CSMD1: variants seen among roughly 807,000 people sequenced by gnomAD.
The protein encoded by CSMD1 is CUB and Sushi multiple domains 1, also known as CUB and sushi domain-containing protein 1.
CSMD1 carries 213 observed loss-of-function variants against 417.5 expected under a neutral mutation model. The observed-to-expected ratio is 0.51, with a 90% CI of 0.46 to 0.57. The LOEUF (loss-of-function observed/expected upper bound fraction) is 0.57. CSMD1 is among the 20% of genes least tolerant of loss of function. The pLI is 0.00. For synonymous variants in CSMD1, 2,862 were observed against 1,736.8 expected (o/e 1.65, Z -16.11); for missense variants, 6,923 against 4,529.7 (o/e 1.53, Z -15.17).
chr8:3,992,317 G>A (rs1237995670), intron 5 of CSMD1, among the ~76,000 whole-genome samples: 1 of 152,080 alleles, frequency 6.6e-6, no homozygotes, highest in Admixed American at 6.6e-5. Context: ...AAGTTTACAA[G>A]GGGAACTCTG....
chr8:4,550,345 A>G (rs1791214413), intron 2 of CSMD1, among the ~76,000 whole-genome samples: 1 of 151,670 alleles, frequency 6.6e-6, no homozygotes, highest in South Asian at 2.1e-4. Context: ...ACACACACAC[A>G]CACACACACA....
At chr8:4,679,865 G>A (rs1445049916) in intron 1 of CSMD1, among the ~76,000 whole-genome samples, 2 of 151,966 alleles carry the variant, frequency 1.3e-5, no homozygotes, top group Non-Finnish European at 2.9e-5. Flanking sequence ...TATATACAAT[G>A]CATAATAAAT....
intron 1 of CSMD1, among the ~76,000 whole-genome samples, chr8:4,935,641 C>T (rs1301295517): frequency 6.6e-6 from 1 of 152,168 alleles, no homozygotes; most frequent in East Asian, 1.9e-4. Context: ...TTCACTCTCT[C>T]TCGATGATAT....
At chr8:3,706,300 G>T (rs12544795) in intron 7 of CSMD1, among the ~76,000 whole-genome samples, 136,291 of 152,290 alleles carry the variant, frequency 0.89, 61,353 homozygotes, top group East Asian at 0.99. Context: ...CTTGAATAAG[G>T]CATATACTTG....
At chr8:3,957,553 G>C (rs532973779) in intron 5 of CSMD1, among the ~76,000 whole-genome samples, 1 of 151,994 alleles carries the variant, frequency 6.6e-6, no homozygotes, top group Non-Finnish European at 1.5e-5. Context: ...GCATGGCGGG[G>C]CATACTTGTA....
At chr8:3,842,746 G>C (rs182808853) in intron 5 of CSMD1, among the ~76,000 whole-genome samples, 1 of 149,552 alleles carries the variant, frequency 6.7e-6, no homozygotes, top group Non-Finnish European at 1.5e-5. Context: ...TTGGGAAACA[G>C]AAAAAAAAAG....
chr8:3,924,089 G>T (rs1809471260), intron 5 of CSMD1, among the ~76,000 whole-genome samples: 2 of 152,178 alleles, frequency 1.3e-5, no homozygotes, highest in Admixed American at 6.5e-5. Flanking sequence ...TGGTGGTGAT[G>T]AAATTTCTCA....
At chr8:4,872,778 T>C (rs944037517) in intron 1 of CSMD1, among the ~76,000 whole-genome samples, 1 of 152,136 alleles carries the variant, frequency 6.6e-6, no homozygotes, top group Admixed American at 6.5e-5. Context: ...TAATTCATAG[T>C]TCACTTTTTG....
chr8:4,898,763 G>A (rs953932536), intron 1 of CSMD1, among the ~76,000 whole-genome samples: 6 of 151,970 alleles, frequency 3.9e-5, no homozygotes, highest in African/African-American at 1.4e-4. Flanking sequence ...GTTCATCGTT[G>A]GAAGCGGGGG....
chr8:4,283,604 T>C (rs900095939), intron 3 of CSMD1, among the ~76,000 whole-genome samples: 5 of 152,178 alleles, frequency 3.3e-5, no homozygotes, highest in African/African-American at 7.2e-5. Context: ...CCCAGGTCCT[T>C]GGGGACACGA....
chr8:4,198,310 G>A (rs1241805509), intron 3 of CSMD1, among the ~76,000 whole-genome samples: 1 of 152,246 alleles, frequency 6.6e-6, no homozygotes, highest in African/African-American at 2.4e-5. Flanking sequence ...GCAGGGGCTG[G>A]CAAGCCCGAC....
intron 7 of CSMD1, among the ~76,000 whole-genome samples, chr8:3,619,644 C>G (rs1301950393): frequency 6.6e-6 from 1 of 152,010 alleles, no homozygotes; most frequent in Non-Finnish European, 1.5e-5. Context: ...CACAGCAAGA[C>G]ACATAATAAT....
At chr8:3,912,285 G>A (rs1245273486) in intron 5 of CSMD1, among the ~76,000 whole-genome samples, 3 of 152,118 alleles carry the variant, frequency 2.0e-5, no homozygotes, top group South Asian at 2.1e-4. Context: ...AATATACGGA[G>A]GGTGAATATT....
At chr8:3,467,338 G>T (rs1470849523) in intron 12 of CSMD1, among the ~76,000 whole-genome samples, 4 of 152,178 alleles carry the variant, frequency 2.6e-5, no homozygotes, top group African/African-American at 4.8e-5. Flanking sequence ...GTATTTCACT[G>T]ATGATTTCAG....
At chr8:4,768,903 G>A (rs548469797) in intron 1 of CSMD1, among the ~76,000 whole-genome samples, 3 of 152,290 alleles carry the variant, frequency 2.0e-5, no homozygotes, top group East Asian at 1.9e-4. Context: ...GAGTCTTCCA[G>A]CAATCTTGAT....
intron 54 of CSMD1, among the ~76,000 whole-genome samples, chr8:2,987,738 G>A (rs535232096): frequency 6.6e-6 from 1 of 152,334 alleles, no homozygotes; most frequent in South Asian, 2.1e-4. Flanking sequence ...TGTGCCAGGG[G>A]ACACACCCTG....
intron 11 of CSMD1, among the ~76,000 whole-genome samples, chr8:3,488,891 ATTTGG>A (rs1016587503): frequency 1.3e-5 from 2 of 152,118 alleles, no homozygotes; most frequent in African/African-American, 4.8e-5. Flanking sequence ...TCTTATTTCT[ATTTGG>A]TTTGATTTCT....
At chr8:3,891,737 A>G (rs974379199) in intron 5 of CSMD1, among the ~76,000 whole-genome samples, 1 of 152,140 alleles carries the variant, frequency 6.6e-6, no homozygotes, top group Non-Finnish European at 1.5e-5. Context: ...CCCAGGCAGT[A>G]TAACACTGAC....
chr8:4,361,098 C>A (rs989254034), intron 3 of CSMD1, among the ~76,000 whole-genome samples: 5 of 152,130 alleles, frequency 3.3e-5, no homozygotes, highest in African/African-American at 9.7e-5. Context: ...TCATGCTACA[C>A]ACTGTGTGGA....
Sources: allele counts gnomAD v4.1 joint callset (sites outside exome capture counted in the v4.1 genomes callset), GRCh38; gene constraint gnomAD v4.1.1; transcripts MANE v1.5; gene names NCBI Gene and HGNC (gene_info 2026-07-23, HGNC 2026-07-21).